Variants in TRPC5 observed in about 807,000 individuals in gnomAD.
TRPC5 encodes transient receptor potential cation channel subfamily C member 5.
In TRPC5, 9 loss-of-function variants were observed where a neutral mutation model predicts 56.5. The ratio of observed to expected loss-of-function variants is 0.16; its 90% CI spans 0.10 to 0.28. TRPC5 has a LOEUF of 0.28. TRPC5 is among the 10% of genes least tolerant of loss of function. The pLI is 1.00. For missense variants in TRPC5, 469 were observed against 748.9 expected, an observed-to-expected ratio of 0.63 and a Z score of 4.36; for synonymous variants, 282 against 278.5, an observed-to-expected ratio of 1.01 and a Z score of -0.13.
chrX:112,067,121 T>C (rs1186827277), intron 1 of TRPC5, among the ~76,000 whole-genome samples: 1 of 112,409 alleles, frequency 8.9e-6, no homozygotes, highest in African/African-American at 3.2e-5. Context: ...CTATTAGCAG[T>C]CCTTTCTCTC....
intron 1 of TRPC5, among the ~76,000 whole-genome samples, chrX:111,986,764 T>C (rs1276817969): frequency 9.0e-6 from 1 of 111,653 alleles, no homozygotes; most frequent in Non-Finnish European, 1.9e-5. Context: ...ATAAATGCCT[T>C]CACTTTATCA....
intron 3 of TRPC5, among the ~76,000 whole-genome samples, chrX:111,861,551 TAC>T (rs985762613): frequency 1.6e-4 from 18 of 112,246 alleles, no homozygotes; most frequent in Non-Finnish European, 1.5e-4. Context: ...CAGTTTTAAT[TAC>T]ACGTTATAAT....
chrX:111,841,442 T>G (rs1396496488), intron 6 of TRPC5, among the ~76,000 whole-genome samples: 4 of 111,873 alleles, frequency 3.6e-5, no homozygotes, highest in Non-Finnish European at 7.5e-5. Flanking sequence ...CCTGATTAAC[T>G]GCGTTGTACT....
intron 1 of TRPC5, among the ~76,000 whole-genome samples, chrX:112,050,360 A>G (rs1397298974): frequency 8.9e-6 from 1 of 112,634 alleles, no homozygotes; most frequent in Non-Finnish European, 1.9e-5. Flanking sequence ...ACATGGTATG[A>G]CATGAAAGAC....
intron 2 of TRPC5, among the ~76,000 whole-genome samples, chrX:111,943,223 G>A (rs1022368909): frequency 5.4e-5 from 6 of 112,113 alleles, no homozygotes; most frequent in Admixed American, 9.5e-5. Flanking sequence ...AAAGCCTATG[G>A]TCTTTCTACC....
At chrX:111,811,091 A>G (rs745730428) in intron 7 of TRPC5, among the ~76,000 whole-genome samples, 1 of 112,327 alleles carries the variant, frequency 8.9e-6, no homozygotes, top group East Asian at 2.8e-4. Flanking sequence ...AAGAAGATTT[A>G]AGCCATTTAT....
intron 1 of TRPC5, among the ~76,000 whole-genome samples, chrX:111,968,890 G>T (rs1927692232): frequency 9.6e-6 from 1 of 104,036 alleles, no homozygotes; most frequent in African/African-American, 3.5e-5. Context: ...ATGAGTTAAT[G>T]GGTGCAACAC....
intron 3 of TRPC5, chrX:111,882,118 T>C (rs1377892312): frequency 1.8e-5 from 2 of 112,396 alleles, no homozygotes; most frequent in African/African-American, 6.5e-5. Flanking sequence ...CTATGTTATG[T>C]TTTAAGTTTG....
At chrX:112,034,750 T>C (rs1183495717) in intron 1 of TRPC5, among the ~76,000 whole-genome samples, 3 of 110,871 alleles carry the variant, frequency 2.7e-5, no homozygotes, top group African/African-American at 9.8e-5. Context: ...TCTAATTTGT[T>C]GTGACATAAT....
At position 112,082,283 on chromosome X, in the gene TRPC5, C is replaced by T. The variant is rs1930989092; in HGVS notation, c.-426G>A. 1.8e-5 allele frequency: 2 copies of T among 111,057 alleles called. No individual in the cohort carries two copies. The highest frequency in any genetic ancestry group is 6.6e-5 in the African/African-American group (2 of 30,310). 9.2% of individuals were successfully genotyped at this position (111,057 alleles called of 1,213,427 possible). A position where few individuals can be genotyped will look rare whatever the true frequency, so the allele number is the denominator to read the frequency against. ...CTCCCTTCACGCAGCCAGTCACACA[C>T]AATAAGAGCTAGGGAAGAAACTGAC... On this transcript the variant is annotated 5_prime_UTR_variant, in exon 1 of 11. The change creates a new upstream start codon in the 5' untranslated region. Transcript: ENST00000262839.
In TRPC5 at chrX:111,944,987, GGTAC is replaced by G. The variant is rs1926896776; in HGVS notation, c.378+7052_378+7055del. Among the ~76,000 whole-genome samples, 3 of 110,986 alleles carry G rather than the reference GGTAC, an allele frequency of 2.7e-5. No homozygotes were observed. In the Admixed American group the frequency reaches 2.9e-4, roughly 11 times the overall value. On this transcript the variant is annotated intron_variant, in intron 2 of 10. Transcript: ENST00000262839. ...CAGCCCTAGGAAACAAATACAGAGAGGTACGTGGACCTCTTACCTAGAAACAGGT... is the reference window on the plus strand; with the variant it reads ...CAGCCCTAGGAAACAAATACAGAGAGGTGGACCTCTTACCTAGAAACAGGT...
chrX:112,072,130 C>T (rs984194380), intron 1 of TRPC5, among the ~76,000 whole-genome samples: 11 of 111,939 alleles, frequency 9.8e-5, no homozygotes, highest in East Asian at 5.6e-4. Flanking sequence ...AGTATGGTAA[C>T]GAGGAGCACG....
At chrX:112,070,168 A>G (rs778828457) in intron 1 of TRPC5, among the ~76,000 whole-genome samples, 1 of 112,140 alleles carries the variant, frequency 8.9e-6, no homozygotes, top group East Asian at 2.8e-4. Flanking sequence ...AGTGGTTCCA[A>G]TGACAGGCTG....
intron 1 of TRPC5, among the ~76,000 whole-genome samples, chrX:112,066,131 T>C (rs1251295538): frequency 9.4e-6 from 1 of 106,829 alleles, no homozygotes; most frequent in African/African-American, 3.4e-5. Context: ...CCAGCTCTTA[T>C]GTTACATCCC....
intron 7 of TRPC5, among the ~76,000 whole-genome samples, chrX:111,805,987 C>T (rs978302834): frequency 1.8e-5 from 2 of 111,056 alleles, no homozygotes; most frequent in South Asian, 7.7e-4. Flanking sequence ...GCTAAATCTG[C>T]AGCTCTGTAG....
At chrX:111,877,898 G>A (rs764483390) in intron 3 of TRPC5, among the ~76,000 whole-genome samples, 2 of 111,379 alleles carry the variant, frequency 1.8e-5, no homozygotes, top group South Asian at 3.8e-4. Flanking sequence ...AATAAAGAGC[G>A]AAATTTTTAA....
chrX:111,782,223 C>T lies in TRPC5; in HGVS notation c.1897-85G>A, dbSNP rs1011848776. The T allele has an allele frequency of 3.7e-6, 3 of 804,015 alleles. No homozygotes were observed. In the East Asian group the frequency reaches 9.9e-5, roughly 27 times the overall value. 66.3% of individuals were successfully genotyped at this position (804,015 alleles called of 1,213,427 possible). A position where few individuals can be genotyped will look rare whatever the true frequency, so the allele number is the denominator to read the frequency against. On this transcript the variant is annotated intron_variant, in intron 7 of 10. Transcript: ENST00000262839. ...CTTATTCTAAACTTTCTAGTTGCTTCTATAGAGGGCAATATGTCAAGAGCT... is the reference window on the plus strand; with the variant it reads ...CTTATTCTAAACTTTCTAGTTGCTTTTATAGAGGGCAATATGTCAAGAGCT...
At chrX:111,809,891 T>TTTG (rs1227036428) in intron 7 of TRPC5, among the ~76,000 whole-genome samples, 1 of 109,864 alleles carries the variant, frequency 9.1e-6, no homozygotes, top group Non-Finnish European at 1.9e-5. Context: ...TGTTTTTTTT[T>TTTG]TTGTTGTTGT....
intron 1 of TRPC5, among the ~76,000 whole-genome samples, chrX:112,047,929 A>G (rs1325553534): frequency 8.9e-6 from 1 of 112,290 alleles, no homozygotes; most frequent in East Asian, 2.8e-4. Context: ...CACTTGTTTA[A>G]TGCCCGCTGT....
Sources: gnomAD v4.1 joint callset for allele counts (sites outside exome capture counted in the v4.1 genomes callset) on GRCh38, gnomAD v4.1.1 for gene constraint, MANE v1.5 for transcripts, NCBI Gene and HGNC (gene_info 2026-07-23, HGNC 2026-07-21) for gene names.